ERBB4: variants seen among roughly 807,000 people sequenced by gnomAD.
ERBB4 encodes the protein receptor tyrosine-protein kinase erbB-4.
ERBB4 carries 42 observed loss-of-function variants against 158.0 expected under a neutral mutation model. The observed-to-expected ratio is 0.27, with a 90% confidence interval of 0.21 to 0.34. ERBB4 has a LOEUF of 0.34. Ranked by LOEUF, ERBB4 falls within the 10% of genes least tolerant of loss-of-function variation. The probability of loss-of-function intolerance (pLI) is 1.00; values close to 1 mark genes in which losing one functional copy is unlikely to be tolerated. For missense variants in ERBB4, 1,333 were observed against 1,624.1 expected, an observed-to-expected ratio of 0.82 and a Z score of 3.08; for synonymous variants, 583 against 558.7, an observed-to-expected ratio of 1.04 and a Z score of -0.61.
intron 3 of ERBB4, among the ~76,000 whole-genome samples, chr2:211,881,692 C>T (rs1182043014): frequency 1.3e-5 from 2 of 152,108 alleles, no homozygotes; most frequent in Admixed American, 1.3e-4. Context: ...CGCCCCTCCA[C>T]TAGCTCATCT....
At chr2:211,744,283 G>T (rs1420265802) in intron 5 of ERBB4, among the ~76,000 whole-genome samples, 1 of 152,072 alleles carries the variant, frequency 6.6e-6, no homozygotes, top group Non-Finnish European at 1.5e-5. Flanking sequence ...CTTGCAAAAT[G>T]TTACTAAATT....
chr2:211,993,955 T>C (rs1467777825), intron 2 of ERBB4, among the ~76,000 whole-genome samples: 1 of 150,738 alleles, frequency 6.6e-6, no homozygotes, highest in Admixed American at 6.6e-5. Flanking sequence ...TTATATGTTT[T>C]ATAATTATTA....
intron 20 of ERBB4, among the ~76,000 whole-genome samples, chr2:211,436,115 T>A (rs2063847086): frequency 6.6e-6 from 1 of 152,152 alleles, no homozygotes; most frequent in Non-Finnish European, 1.5e-5. Context: ...AGCCACTGCA[T>A]CCAGCCACTT....
chr2:211,632,730 T>C (rs1314545190), intron 16 of ERBB4, among the ~76,000 whole-genome samples: 1 of 152,086 alleles, frequency 6.6e-6, no homozygotes, highest in South Asian at 2.1e-4. Flanking sequence ...ATAATTACTA[T>C]ACAGGCAAGT....
rs1469931656 is a variant in ERBB4 at position 211,377,765 on chromosome 2, T to C, written c.*5850A>G. 1 of 232,450 alleles carries C rather than the reference T, an allele frequency of 4.3e-6. No individual in the cohort carries two copies. The highest frequency in any genetic ancestry group is 8.5e-6 in the Non-Finnish European group (1 of 117,604). 14.4% of individuals were successfully genotyped at this position (232,450 alleles called of 1,614,324 possible). On this transcript the variant is annotated 3_prime_UTR_variant, in exon 28 of 28. Coordinates refer to ENST00000342788, the MANE Select transcript of ERBB4 (RefSeq NM_005235.3). ...TATATGTACAGCTTTTATGTAAAGA[T>C]TAAATCGAAGTTCTACCAAGTGTAT...
At chr2:212,198,907 T>C (rs1445507377) in intron 1 of ERBB4, among the ~76,000 whole-genome samples, 2 of 152,006 alleles carry the variant, frequency 1.3e-5, no homozygotes, top group Non-Finnish European at 2.9e-5. Flanking sequence ...TATCCCTTCA[T>C]CTGTTGATGT....
At chr2:211,790,521 C>T (rs1401045450) in intron 3 of ERBB4, among the ~76,000 whole-genome samples, 1 of 152,036 alleles carries the variant, frequency 6.6e-6, no homozygotes, top group East Asian at 1.9e-4. Flanking sequence ...CAGTATTAAT[C>T]TGCTATGAAT....
At chr2:211,433,330 C>A (rs184498673) in intron 20 of ERBB4, among the ~76,000 whole-genome samples, 1 of 152,116 alleles carries the variant, frequency 6.6e-6, no homozygotes, top group Non-Finnish European at 1.5e-5. Context: ...GCCTGTAATA[C>A]TGGCACTTTG....
At chr2:212,122,781 A>C (rs2079797041) in intron 2 of ERBB4, among the ~76,000 whole-genome samples, 1 of 151,754 alleles carries the variant, frequency 6.6e-6, no homozygotes, top group African/African-American at 2.4e-5. Flanking sequence ...TTATTATAAA[A>C]TATATAAAAA....
rs188376385 is a variant in ERBB4 at position 211,679,257 on chromosome 2, C to A, written c.1490-73G>T. 2,046 of 1,546,852 alleles carry A rather than the reference C, an allele frequency of 1.3e-3. 1 individual carries two copies. Among genetic ancestry groups the A allele is most frequent in the Non-Finnish European group, 1.7e-3 (1,947 of 1,124,806 alleles). ...AAACTTAAAATCTTCCTAGGTAATGCTATTTCTAAAGGAGTTCACTTAAAA... is the reference window on the plus strand; with the variant it reads ...AAACTTAAAATCTTCCTAGGTAATGATATTTCTAAAGGAGTTCACTTAAAA... On this transcript the variant is annotated intron_variant, in intron 12 of 27. Coordinates refer to ENST00000342788, the MANE Select transcript of ERBB4 (RefSeq NM_005235.3).
chr2:211,878,709 G>A (rs1291296090), intron 3 of ERBB4, among the ~76,000 whole-genome samples: 1 of 137,062 alleles, frequency 7.3e-6, no homozygotes, highest in Non-Finnish European at 1.5e-5. Flanking sequence ...CCAGACTGGA[G>A]TGCAGTGGCG....
At chr2:211,611,743 G>T (rs765699355) in intron 19 of ERBB4, among the ~76,000 whole-genome samples, 10 of 152,098 alleles carry the variant, frequency 6.6e-5, no homozygotes. Context: ...CCTGATGCAC[G>T]TTTTAGCTGG....
chr2:211,424,227 A>T lies in ERBB4; in HGVS notation c.2794T>A (p.Leu932Ile), dbSNP rs1173044119. Residue 932 changes from leucine (L) to isoleucine (I), a missense_variant, in exon 23 of 28, where the codon TTA becomes ATA. By Grantham distance (5) the Leu-to-Ile change is conservative (BLOSUM62 2). Around this residue, in one of 5 missense-constraint regions of ERBB4, gnomAD observed 314 missense variants for 437.6 expected, o/e 0.72. Transcript: ENST00000342788. ...GGCAAACGTTCTCCTTTCTCTAATA[A>T]ATCAGGGATTTCTCGCGTTGGAATT... ...DGIPTREIPDLLEKGERLPQP... is the reference protein window; with the variant it reads ...DGIPTREIPDILEKGERLPQP... 6.2e-7 allele frequency: 1 copy of T among 1,613,342 alleles called. No homozygotes were observed. Among genetic ancestry groups the T allele is most frequent in the African/African-American group, 1.3e-5 (1 of 74,980 alleles).
At chr2:212,024,829 T>C (rs1228159952) in intron 2 of ERBB4, among the ~76,000 whole-genome samples, 1 of 151,774 alleles carries the variant, frequency 6.6e-6, no homozygotes, top group Admixed American at 6.6e-5. Context: ...TAAAATTATA[T>C]TGGAGTCTGA....
intron 3 of ERBB4, among the ~76,000 whole-genome samples, chr2:211,915,844 C>T (rs550902620): frequency 6.6e-6 from 1 of 151,898 alleles, no homozygotes; most frequent in Admixed American, 6.6e-5. Flanking sequence ...GTAATAGCAA[C>T]ATTAAATATC....
intron 1 of ERBB4, among the ~76,000 whole-genome samples, chr2:212,302,080 A>T (rs750823282): frequency 2.4e-4 from 36 of 151,392 alleles, no homozygotes; most frequent in Non-Finnish European, 4.4e-4. Context: ...ATATCATCTG[A>T]TTTAAATTTG....
At chr2:212,531,530 C>A (rs565838407) in intron 1 of ERBB4, among the ~76,000 whole-genome samples, 1 of 152,242 alleles carries the variant, frequency 6.6e-6, no homozygotes, top group East Asian at 1.9e-4. Context: ...TATCTTAGGT[C>A]CAAGGACAGG....
At chr2:211,985,800 G>A (rs924823871) in intron 2 of ERBB4, among the ~76,000 whole-genome samples, 14 of 151,894 alleles carry the variant, frequency 9.2e-5, no homozygotes, top group African/African-American at 3.4e-4. Flanking sequence ...TAAAAATCTT[G>A]CTTAAGAGAA....
intron 5 of ERBB4, among the ~76,000 whole-genome samples, chr2:211,733,778 G>C (rs562010674): frequency 6.6e-6 from 1 of 151,246 alleles, no homozygotes; most frequent in Non-Finnish European, 1.5e-5. Context: ...ACTCAATTTT[G>C]CAATAAAAAT....
Sources: gnomAD v4.1 joint callset for allele counts (sites outside exome capture counted in the v4.1 genomes callset) on GRCh38, gnomAD v4.1.1 for gene constraint, gnomAD v4.1.1 regional missense constraint, MANE v1.5 for transcripts, NCBI Gene and HGNC (gene_info 2026-07-23, HGNC 2026-07-21) for gene names.